IQCM: variants seen among roughly 807,000 people sequenced by gnomAD.
IQCM encodes the protein IQ domain-containing protein M.
IQCM carries 45 observed loss-of-function variants against 57.6 expected under a neutral mutation model. The observed-to-expected ratio is 0.78, with a 90% CI of 0.62 to 1.00. IQCM has a LOEUF of 1.00. Among genes scored for constraint, IQCM ranks in the 50% least tolerant of loss-of-function variants. The pLI is 0.00. For missense variants in IQCM, 468 were observed against 511.6 expected, an observed-to-expected ratio of 0.91 and a Z score of 0.82; for synonymous variants, 148 against 158.9, an observed-to-expected ratio of 0.93 and a Z score of 0.51.
chr4:149,652,591 T>C (rs1759289607), intron 7 of IQCM, among the ~76,000 whole-genome samples: 1 of 150,620 alleles, frequency 6.6e-6, no homozygotes, highest in Non-Finnish European at 1.5e-5. Flanking sequence ...GGTGAGACAA[T>C]AGAAAGTACG....
At chr4:149,678,385 T>C (rs148176373) in intron 7 of IQCM, among the ~76,000 whole-genome samples, 1 of 152,002 alleles carries the variant, frequency 6.6e-6, no homozygotes, top group Non-Finnish European at 1.5e-5. Context: ...ATTTTCAAAG[T>C]GCTGAAACAG....
intron 7 of IQCM, among the ~76,000 whole-genome samples, chr4:149,651,336 T>A (rs1233130100): frequency 2.0e-5 from 3 of 152,174 alleles, no homozygotes; most frequent in Non-Finnish European, 2.9e-5. Context: ...ATAATTCATA[T>A]TTTTAGGACT....
chr4:149,483,865 G>A (rs1741176708), intron 12 of IQCM, among the ~76,000 whole-genome samples: 1 of 151,788 alleles, frequency 6.6e-6, no homozygotes, highest in Non-Finnish European at 1.5e-5. Context: ...CTGAATCTGG[G>A]GTGTTGAGGT....
chr4:149,531,496 C>T lies in IQCM; in HGVS notation c.1228+16959G>A, dbSNP rs530677184. The stretch of plus-strand genomic sequence containing the variant: ...CCCTCTCTTTTTCCAACTGCAACTT[C>T]CTTCTCTTTCTCCTTCCCTTCTTTC... On this transcript the variant is annotated intron_variant, in intron 12 of 13. Coordinates refer to ENST00000636793, the MANE Select transcript of IQCM (RefSeq NM_001363507.2). 2.8e-4 allele frequency among the ~76,000 whole-genome samples: 43 copies of T among 152,244 alleles called. No homozygotes were observed. The Middle Eastern group carries it at 0.014, about 48-fold the overall frequency.
At chr4:149,616,951 C>A (rs908969719) in intron 8 of IQCM, among the ~76,000 whole-genome samples, 2 of 151,610 alleles carry the variant, frequency 1.3e-5, no homozygotes, top group Non-Finnish European at 2.9e-5. Context: ...GCACATATAT[C>A]CTGGAACTTT....
At chr4:149,714,138 T>C (rs1291610747) in intron 5 of IQCM, among the ~76,000 whole-genome samples, 1 of 152,202 alleles carries the variant, frequency 6.6e-6, no homozygotes. Context: ...TAAGTCTTTG[T>C]CTTCCTTGAT....
intron 13 of IQCM, among the ~76,000 whole-genome samples, chr4:149,431,953 G>A (rs528763317): frequency 6.6e-6 from 1 of 150,490 alleles, no homozygotes; most frequent in African/African-American, 2.4e-5. Context: ...ATATATATGT[G>A]TATGTGTGTG....
chr4:149,697,982 T>C (rs367639008), intron 5 of IQCM, among the ~76,000 whole-genome samples: 2 of 152,162 alleles, frequency 1.3e-5, no homozygotes, highest in South Asian at 4.1e-4. Context: ...ATTAATTGGA[T>C]AAATGAAATA....
intron 12 of IQCM, among the ~76,000 whole-genome samples, chr4:149,477,558 G>T (rs950800131): frequency 6.6e-6 from 1 of 152,180 alleles, no homozygotes; most frequent in Non-Finnish European, 1.5e-5. Flanking sequence ...TTACTGTCCG[G>T]TGGGGGCTGG....
intron 9 of IQCM, among the ~76,000 whole-genome samples, chr4:149,587,043 C>T (rs1432233804): frequency 6.6e-6 from 1 of 151,662 alleles, no homozygotes; most frequent in Non-Finnish European, 1.5e-5. Flanking sequence ...GGACTCCTCT[C>T]TCTGTGGTTT....
chr4:149,768,423 A>G (rs1770260062), intron 2 of IQCM, among the ~76,000 whole-genome samples: 1 of 152,162 alleles, frequency 6.6e-6, no homozygotes, highest in Non-Finnish European at 1.5e-5. Flanking sequence ...GATAAGTACA[A>G]TAAATTTCAT....
chr4:149,460,472 G>A (rs1738156736), intron 12 of IQCM, among the ~76,000 whole-genome samples: 1 of 152,096 alleles, frequency 6.6e-6, no homozygotes, highest in South Asian at 2.1e-4. Context: ...CATATTTTTA[G>A]CTGTATAATG....
intron 13 of IQCM, among the ~76,000 whole-genome samples, chr4:149,421,975 T>G (rs1455182637): frequency 3.9e-5 from 6 of 152,000 alleles, no homozygotes; most frequent in Admixed American, 3.9e-4. Context: ...GAAAGTCTTA[T>G]CAGCTCCCTA....
intron 8 of IQCM, among the ~76,000 whole-genome samples, chr4:149,603,053 A>G (rs1754459706): frequency 6.6e-6 from 1 of 152,118 alleles, no homozygotes; most frequent in South Asian, 2.1e-4. Context: ...GCTCTGTTCA[A>G]TTGCCAAATA....
intron 9 of IQCM, among the ~76,000 whole-genome samples, chr4:149,576,479 A>G (rs1751668068): frequency 6.6e-6 from 1 of 151,910 alleles, no homozygotes; most frequent in Non-Finnish European, 1.5e-5. Context: ...TTTAGTGCAC[A>G]TATCACCCAA....
At chr4:149,807,708 AT>A (rs774891484) in intron 2 of IQCM, among the ~76,000 whole-genome samples, 12 of 151,986 alleles carry the variant, frequency 7.9e-5, no homozygotes, top group Non-Finnish European at 1.6e-4. Flanking sequence ...TAGCCAGAAT[AT>A]ATAAGGGAAA....
intron 13 of IQCM, among the ~76,000 whole-genome samples, chr4:149,418,733 T>C (rs189223000): frequency 1.3e-5 from 2 of 152,194 alleles, no homozygotes; most frequent in East Asian, 3.9e-4. Flanking sequence ...TGATCCTGTA[T>C]CTAGAAAACC....
chr4:149,500,232 C>G (rs1743098255), intron 12 of IQCM, among the ~76,000 whole-genome samples: 2 of 152,158 alleles, frequency 1.3e-5, no homozygotes, highest in Non-Finnish European at 2.9e-5. Flanking sequence ...GAGATCTCTG[C>G]AGAGGAACAA....
At chr4:149,468,676 C>T (rs1321534467) in intron 12 of IQCM, among the ~76,000 whole-genome samples, 4 of 152,220 alleles carry the variant, frequency 2.6e-5, no homozygotes, top group Non-Finnish European at 5.9e-5. Context: ...AGACTGCCTC[C>T]TCAAGTGGGT....
Sources: allele counts gnomAD v4.1 joint callset (sites outside exome capture counted in the v4.1 genomes callset), GRCh38; gene constraint gnomAD v4.1.1; transcripts MANE v1.5; gene names NCBI Gene and HGNC (gene_info 2026-07-23, HGNC 2026-07-21).